Variants in ANKS3 observed in about 807,000 individuals in gnomAD.
ANKS3 encodes the protein ankyrin repeat and SAM domain-containing protein 3.
ANKS3 carries 62 observed loss-of-function variants against 80.7 expected under a neutral mutation model. The observed-to-expected ratio is 0.77, with a 90% CI of 0.63 to 0.95. The LOEUF is 0.95. Among genes scored for constraint, ANKS3 ranks in the 40% least tolerant of loss-of-function variants. The pLI, the probability that ANKS3 is intolerant of heterozygous loss-of-function variation, is 0.00. For missense variants in ANKS3, 1,150 were observed against 883.6 expected (o/e 1.30, Z -3.82); for synonymous variants, 489 against 355.3 (o/e 1.38, Z -4.23).
In ANKS3 at chr16:4,696,694, A is replaced by C; in HGVS notation, c.*214T>G. The C allele has an allele frequency of 2.5e-6, 1 of 407,470 alleles. No homozygotes were observed. Among genetic ancestry groups the C allele is most frequent in the South Asian group, 2.5e-5 (1 of 39,862 alleles). The allele number at this position is 407,470 out of a possible 1,614,324, so 25.2% of individuals were successfully genotyped here. On this transcript the variant is annotated 3_prime_UTR_variant, in exon 18 of 18. Transcript: ENST00000304283. ...GGGCCTCACCACGAGGTTCTGGGTG[A>C]GGCCCTCGTCCCGCCTCAGTGCTGG...
chr16:4,697,285 C>T (rs377090665), intron 16 of ANKS3, 48 bp downstream of exon 16: 9 of 1,565,674 alleles, frequency 5.7e-6, no homozygotes, highest in Non-Finnish European at 7.8e-6. Context: ...CCTTTGCCTC[C>T]CTCGGAAACA....
intron 7 of ANKS3, among the ~76,000 whole-genome samples, chr16:4,710,977 C>T (rs961248467): frequency 6.0e-5 from 9 of 151,138 alleles, no homozygotes; most frequent in African/African-American, 1.7e-4. Flanking sequence ...TTAGTGGAGA[C>T]GGGGTTTCAC....
chr16:4,727,033 T>A lies in ANKS3; in HGVS notation c.315A>T (p.Pro105=), dbSNP rs1166606101. The A allele has an allele frequency of 6.2e-7, 1 of 1,614,128 alleles. No homozygotes were observed. The highest frequency in any genetic ancestry group is 1.3e-5 in the African/African-American group (1 of 75,026). ...TGCCACAGCTGGAGGCCAGCATCAG[T>A]GGAGTCTGCCCTTCTGGGGTCGGCA... ...VNVPTPEGQT[P]LMLASSCGNE... is the part of the protein sequence containing the mutation. Residue 105 remains proline (P), a synonymous_variant, in exon 4 of 18, where the codon CCA becomes CCT. Transcript: ENST00000304283.
intron 8 of ANKS3, among the ~76,000 whole-genome samples, 167 bp from the exon 9 acceptor site, chr16:4,702,409 G>A (rs1465778036): frequency 6.6e-6 from 1 of 152,226 alleles, no homozygotes; most frequent in Non-Finnish European, 1.5e-5. Context: ...AAGATGCTCT[G>A]AGGGTCAGTC....
intron 7 of ANKS3, among the ~76,000 whole-genome samples, chr16:4,709,553 G>C (rs907127358): frequency 2.6e-5 from 4 of 152,182 alleles, no homozygotes; most frequent in Non-Finnish European, 4.4e-5. Flanking sequence ...AGCCTAGATA[G>C]AGAATCAACC....
chr16:4,721,507 A>G (rs2081091577), intron 6 of ANKS3, among the ~76,000 whole-genome samples: 1 of 151,212 alleles, frequency 6.6e-6, no homozygotes, highest in Non-Finnish European at 1.5e-5. Flanking sequence ...GCTACTTGGG[A>G]GGCTGAGGCA....
At chr16:4,730,225 C>T (rs2081549820) in intron 2 of ANKS3, 74 bp from the exon 3 acceptor site, 1 of 1,347,496 alleles carries the variant, frequency 7.4e-7, no homozygotes, top group Non-Finnish European at 9.7e-7. Context: ...TGGTCCTGCC[C>T]CTGCTACACC....
At chr16:4,701,196 C>T (rs1436353624) in intron 10 of ANKS3, 62 bp from the exon 11 acceptor site, 1 of 1,598,176 alleles carries the variant, frequency 6.3e-7, no homozygotes, top group Non-Finnish European at 8.6e-7. Flanking sequence ...TTGGTGAAAC[C>T]CCCACCCGCC....
At chr16:4,706,961 T>C (rs2080227134) in intron 7 of ANKS3, among the ~76,000 whole-genome samples, 1 of 152,170 alleles carries the variant, frequency 6.6e-6, no homozygotes, top group Admixed American at 6.5e-5. Flanking sequence ...CGTGGGCCAC[T>C]CTGTCCTTCC....
intron 2 of ANKS3, 72 bp from the exon 3 acceptor site, chr16:4,730,223 C>A (rs2081549614): frequency 7.3e-7 from 1 of 1,366,094 alleles, no homozygotes; most frequent in Non-Finnish European, 9.6e-7. Context: ...GCTGGTCCTG[C>A]CCCTGCTACA....
intron 3 of ANKS3, among the ~76,000 whole-genome samples, chr16:4,728,527 G>T (rs764106276): frequency 3.9e-5 from 6 of 152,040 alleles, no homozygotes; most frequent in African/African-American, 7.2e-5. Context: ...CACCCAGCTC[G>T]TCCTAACACT....
Position 4,696,680 on chromosome 16 carries a change from C to A in ANKS3, c.*228G>T. 1 of 377,782 alleles carries A rather than the reference C, an allele frequency of 2.6e-6. No individual in the cohort carries two copies. The highest frequency in any genetic ancestry group is 5.0e-6 in the Non-Finnish European group (1 of 201,324). The allele number at this position is 377,782 out of a possible 1,614,324, so 23.4% of individuals were successfully genotyped here. ...AGCCCATGAACTCTGGGCCTCACCACGAGGTTCTGGGTGAGGCCCTCGTCC... is the reference window on the plus strand; with the variant it reads ...AGCCCATGAACTCTGGGCCTCACCAAGAGGTTCTGGGTGAGGCCCTCGTCC... On this transcript the variant is annotated 3_prime_UTR_variant, in exon 18 of 18. Coordinates refer to ENST00000304283, the MANE Select transcript of ANKS3 (RefSeq NM_133450.4).
chr16:4,698,919 T>C lies in ANKS3; in HGVS notation c.1432A>G (p.Met478Val). 6.3e-7 allele frequency: 1 copy of C among 1,599,902 alleles called. No individual in the cohort carries two copies. Among genetic ancestry groups the C allele is most frequent in the Non-Finnish European group, 8.5e-7 (1 of 1,171,430 alleles). Residue 478 changes from methionine to valine, a missense_variant, in exon 13 of 18, where the codon ATG becomes GTG. Coordinates refer to ENST00000304283, the MANE Select transcript of ANKS3 (RefSeq NM_133450.4). Reference sequence around the variant, plus strand: ...TGCCAGCGGGCAATGGCGGACGTCATCTTCCTCTTGGGCCCAAACAGCCTG... The same window carrying C: ...TGCCAGCGGGCAATGGCGGACGTCACCTTCCTCTTGGGCCCAAACAGCCTG... ...GITLFGPKRK[M>V]TSAIARWHSS...
intron 8 of ANKS3, among the ~76,000 whole-genome samples, chr16:4,703,514 G>A (rs1376219499): frequency 1.3e-5 from 2 of 150,186 alleles, no homozygotes; most frequent in Admixed American, 6.7e-5. Context: ...TCCGCCTCCC[G>A]GGTTCAACCG....
At chr16:4,711,528 G>A (rs556929548) in intron 7 of ANKS3, among the ~76,000 whole-genome samples, 34 of 151,808 alleles carry the variant, frequency 2.2e-4, no homozygotes, top group African/African-American at 6.7e-4. Context: ...AGACCAGCCC[G>A]GCCAACATGG....
chr16:4,712,997 C>G (rs74505309), intron 7 of ANKS3, among the ~76,000 whole-genome samples: 3,838 of 152,266 alleles, frequency 0.025, 70 homozygotes, highest in Admixed American at 0.034. Context: ...GGGCTGAGTG[C>G]AGTGGCTCAC....
At chr16:4,733,906 GCGGGT>G (rs2142190351) in intron 1 of ANKS3, 27 bp downstream of exon 1, 1 of 985,390 alleles carries the variant, frequency 1.0e-6, no homozygotes, top group Non-Finnish European at 1.2e-6. Context: ...TGGCCCCGGG[GCGGGT>G]CCCTGGCCGA....
intron 6 of ANKS3, 52 bp downstream of exon 6, chr16:4,724,698 G>A: frequency 3.5e-5 from 53 of 1,511,900 alleles, no homozygotes; most frequent in Non-Finnish European, 4.9e-5. Context: ...TCAGTAATAT[G>A]ATTCCTCATT....
At chr16:4,705,412 G>A (rs80090727) in intron 7 of ANKS3, among the ~76,000 whole-genome samples, 159 bp from the exon 8 acceptor site, 2,444 of 152,338 alleles carry the variant, frequency 0.016, 34 homozygotes, top group Non-Finnish European at 0.025. Flanking sequence ...CTAACAGGCC[G>A]GGGCGCTGCT....
Sources: gnomAD v4.1 joint callset for allele counts (sites outside exome capture counted in the v4.1 genomes callset) on GRCh38, gnomAD v4.1.1 for gene constraint, MANE v1.5 for transcripts, NCBI Gene and HGNC (gene_info 2026-07-23, HGNC 2026-07-21) for gene names.